The following TASOR2 variants were observed in gnomAD, a reference collection of about 807,000 sequenced individuals.
TASOR2 encodes transcription activation suppressor family member 2, also known as protein TASOR 2.
Under a neutral mutation model 199.5 loss-of-function variants are expected in TASOR2, and 84 were observed. That is an observed-to-expected ratio of 0.42 (90% confidence interval 0.35 to 0.50). TASOR2 has a LOEUF of 0.50. TASOR2 is among the 20% of genes least tolerant of loss of function. The pLI is 0.02. For synonymous variants in TASOR2, 1,103 were observed against 1,046.6 expected (o/e 1.05, Z -1.04); for missense variants, 2,796 against 2,835.9 (o/e 0.99, Z 0.32).
intron 16 of TASOR2, 123 bp from the exon 18 acceptor site, chr10:5,757,397 C>T: frequency 1.0e-6 from 1 of 955,396 alleles, no homozygotes; most frequent in East Asian, 2.6e-5. Context: ...AGTCGGTAAT[C>T]CAGGTTGAAA....
chr10:5,707,751 C>T (rs1838842243), intron 1 of TASOR2, among the ~76,000 whole-genome samples: 1 of 148,470 alleles, frequency 6.7e-6, no homozygotes, highest in African/African-American at 2.5e-5. Flanking sequence ...CACACACACA[C>T]ACACACACAC....
At chr10:5,712,888 C>G in exon 2 of TASOR2, 1 of 1,231,056 alleles carries the variant, frequency 8.1e-7, no homozygotes. Context: ...AAGACACTTA[C>G]GGGTTTCTTC....
In TASOR2 at chr10:5,698,425, G is replaced by C. The variant is rs543535279; in HGVS notation, c.-288+13250G>C. On this transcript the variant is annotated intron_variant, in intron 1 of 20. Transcript: ENST00000328090. The surrounding 1 kb of genome is among the most constrained non-coding windows in gnomAD (Gnocchi z 4.4). ...GTCTGTTAATAAACATTAGTTAACC[G>C]AACAGTTATATGATTAAAAATAAAA... Among the ~76,000 whole-genome samples, 30 of 152,064 alleles carry C rather than the reference G, an allele frequency of 2.0e-4. No individual in the cohort carries two copies. Among genetic ancestry groups the C allele is most frequent in the Admixed American group, 2.0e-3 (30 of 15,260 alleles).
At chr10:5,745,857 G>A (rs767068106) in intron 14 of TASOR2, among the ~76,000 whole-genome samples, 7 of 152,018 alleles carry the variant, frequency 4.6e-5, no homozygotes, top group Non-Finnish European at 8.8e-5. Context: ...TGGATTAAGC[G>A]GTGCTAAGTA....
At chr10:5,736,427 AAAAAG>A (rs202114452) in intron 12 of TASOR2, among the ~76,000 whole-genome samples, 7,852 of 151,530 alleles carry the variant, frequency 0.052, 729 homozygotes, top group East Asian at 0.43. Context: ...CAGAAAAAAA[AAAAAG>A]AGAGAGAGAC....
At chr10:5,692,198 A>G (rs537682151) in intron 1 of TASOR2, among the ~76,000 whole-genome samples, 41 of 150,542 alleles carry the variant, frequency 2.7e-4, no homozygotes, top group Non-Finnish European at 5.2e-4. Context: ...ATTTTGTGAC[A>G]TGTATAAATA....
At chr10:5,758,011 T>G (rs955153227) in intron 17 of TASOR2, among the ~76,000 whole-genome samples, 2 of 152,342 alleles carry the variant, frequency 1.3e-5, no homozygotes, top group East Asian at 1.9e-4. Flanking sequence ...TTAAATTGTT[T>G]GCTTAAAGTC....
At position 5,754,233 on chromosome 10, in the gene TASOR2, G is replaced by A. The variant is rs1013501038; in HGVS notation, c.6607-2380G>A. ...GAATCACTTGAACCCAGGATGTGGA[G>A]GTTGTAGTAAGCCACTGTGCTCCCA... On this transcript the variant is annotated intron_variant, in intron 15 of 20. Transcript: ENST00000328090. The surrounding 1 kb of genome is among the most constrained non-coding windows in gnomAD (Gnocchi z 4.3). Among the ~76,000 whole-genome samples, 1 of 152,280 alleles carries A rather than the reference G, an allele frequency of 6.6e-6. No homozygotes were observed. The highest frequency in any genetic ancestry group is 1.9e-4 in the East Asian group (1 of 5,176).
chr10:5,749,048 A>G, exon 15 of TASOR2: 1 of 1,613,986 alleles, frequency 6.2e-7, no homozygotes, highest in Non-Finnish European at 8.5e-7. Context: ...CACAACAACA[A>G]CCAAGAGGAC....
chr10:5,694,168 A>G (rs191252199), intron 1 of TASOR2, among the ~76,000 whole-genome samples: 1 of 152,308 alleles, frequency 6.6e-6, no homozygotes, highest in Non-Finnish European at 1.5e-5. Context: ...ATAAAAAGAA[A>G]AATCCATGTA....
At position 5,687,199 on chromosome 10, in the gene TASOR2, C is replaced by T. The variant is rs1370383190; in HGVS notation, c.-288+2024C>T. ...ATTTCATAACAAAAATTAATAAAAG[C>T]TTTAGAAACTTTAGTTAGTTTGGAA... is the stretch of plus-strand genomic sequence containing the variant. On this transcript the variant is annotated intron_variant, in intron 1 of 20. Coordinates refer to ENST00000328090, the Ensembl canonical transcript of TASOR2. This position sits in a 1 kb window ranked among gnomAD's most constrained non-coding sequence, Gnocchi z 4.8. 6.6e-6 allele frequency among the ~76,000 whole-genome samples: 1 copy of T among 152,104 alleles called. No individual in the cohort carries two copies. Among genetic ancestry groups the T allele is most frequent in the African/African-American group, 2.4e-5 (1 of 41,410 alleles).
chr10:5,738,885 C>T lies in TASOR2; in HGVS notation c.1448-733C>T, dbSNP rs769457573. 1.1e-4 allele frequency among the ~76,000 whole-genome samples: 17 copies of T among 152,064 alleles called. No individual in the cohort carries two copies. Among genetic ancestry groups the T allele is most frequent in the Non-Finnish European group, 2.5e-4 (17 of 68,034 alleles). On this transcript the variant is annotated intron_variant, in intron 12 of 20. Coordinates refer to ENST00000328090, the Ensembl canonical transcript of TASOR2. This position sits in a 1 kb window ranked among gnomAD's most constrained non-coding sequence, Gnocchi z 4.7. ...CAAATGTAAATGTTCTGATTAAGGGCATATGGATAGATTTGATTATCTGTA... is the reference window on the plus strand; with the variant it reads ...CAAATGTAAATGTTCTGATTAAGGGTATATGGATAGATTTGATTATCTGTA...
At position 5,742,527 on chromosome 10, in the gene TASOR2, G is replaced by A; in HGVS notation, c.2757+1G>A. ...TTTCATCTGTTCTTACAATAATGAG[G>A]TATGTAAAGCTGAATACCGTTAAAT... On this transcript the variant is annotated splice_donor_variant, in intron 14 of 20. Coordinates refer to ENST00000328090, the Ensembl canonical transcript of TASOR2. LOFTEE classifies it high-confidence loss of function. The surrounding 1 kb of genome is among the most constrained non-coding windows in gnomAD (Gnocchi z 4.2). 6.2e-7 allele frequency: 1 copy of A among 1,609,968 alleles called. No individual in the cohort carries two copies. Among genetic ancestry groups the A allele is most frequent in the Non-Finnish European group, 8.5e-7 (1 of 1,178,842 alleles).
rs1838142882 is a variant in TASOR2 at position 5,752,152 on chromosome 10, A to G, written c.6606+2125A>G. Among the ~76,000 whole-genome samples, 1 of 152,198 alleles carries G rather than the reference A, an allele frequency of 6.6e-6. No individual in the cohort carries two copies. The highest frequency in any genetic ancestry group is 2.4e-5 in the African/African-American group (1 of 41,450). On this transcript the variant is annotated intron_variant, in intron 15 of 20. Coordinates refer to ENST00000328090, the Ensembl canonical transcript of TASOR2. This position sits in a 1 kb window ranked among gnomAD's most constrained non-coding sequence, Gnocchi z 4.4. Reference sequence around the variant, plus strand: ...TCAGATGTCAGCAGTCCTGTTTAGTATCTACCTCAGAGCCCCAACATGTGC... The same window carrying G: ...TCAGATGTCAGCAGTCCTGTTTAGTGTCTACCTCAGAGCCCCAACATGTGC...
At chr10:5,702,841 C>T (rs901084895) in intron 1 of TASOR2, among the ~76,000 whole-genome samples, 5 of 152,016 alleles carry the variant, frequency 3.3e-5, no homozygotes, top group East Asian at 1.9e-4. Context: ...GGAAAACTGG[C>T]GCAACATTGA....
chr10:5,694,219 T>C (rs1401206898), intron 1 of TASOR2, among the ~76,000 whole-genome samples: 3 of 152,100 alleles, frequency 2.0e-5, no homozygotes, highest in Non-Finnish European at 2.9e-5. Flanking sequence ...TAGAGCAAGA[T>C]GAGGTATAGG....
exon 13 of TASOR2, chr10:5,739,942 A>G: frequency 3.1e-6 from 5 of 1,614,160 alleles, no homozygotes; most frequent in Non-Finnish European, 4.2e-6. Context: ...GTTAAAACTC[A>G]AAAAGGTGAA....
At chr10:5,713,746 AC>A (rs2131552832) in intron 2 of TASOR2, 1 of 153,660 alleles carries the variant, frequency 6.5e-6, no homozygotes. Context: ...TAGTGGACTT[AC>A]CTGTGACCCT....
At chr10:5,757,817 C>T in intron 17 of TASOR2, 144 bp downstream of exon 18, 1 of 794,636 alleles carries the variant, frequency 1.3e-6, no homozygotes, top group East Asian at 2.6e-5. Flanking sequence ...CTGCTGTCTG[C>T]TGTGCTCTTT....
Sources: allele counts gnomAD v4.1 joint callset (sites outside exome capture counted in the v4.1 genomes callset), GRCh38; gene constraint gnomAD v4.1.1; non-coding constraint Gnocchi (gnomAD v3.1); transcripts MANE v1.5; gene names NCBI Gene and HGNC (gene_info 2026-07-23, HGNC 2026-07-21).